Variants in LRP1B observed in about 807,000 individuals in gnomAD.
The protein encoded by LRP1B is LDL receptor related protein 1B.
Under a neutral mutation model 556.6 loss-of-function variants are expected in LRP1B, and 217 were observed. The observed-to-expected ratio is 0.39, with a 90% CI of 0.35 to 0.44. The LOEUF is 0.44. Among genes scored for constraint, LRP1B ranks in the 20% least tolerant of loss-of-function variants. LRP1B has a pLI of 1.00. For missense variants in LRP1B, 5,053 were observed against 5,620.8 expected, an observed-to-expected ratio of 0.90 and a Z score of 3.23; for synonymous variants, 2,047 against 1,865.8, an observed-to-expected ratio of 1.10 and a Z score of -2.50.
At chr2:140,819,343 C>T (rs1691239625) in intron 31 of LRP1B, among the ~76,000 whole-genome samples, 1 of 152,098 alleles carries the variant, frequency 6.6e-6, no homozygotes, top group South Asian at 2.1e-4. Flanking sequence ...TCACAATATT[C>T]TTTCAATTAT....
chr2:141,678,216 AAAAC>A lies in LRP1B; in HGVS notation c.205+132059_205+132062del, dbSNP rs1574231457. Among the ~76,000 whole-genome samples the A allele has an allele frequency of 2.0e-5, 3 of 152,316 alleles. 1 individual carries two copies. The stretch of plus-strand genomic sequence containing the variant: ...GCATCATAATCAATGTTTATCTATG[AAAAC>A]AAACAAAATCAGTAGGAAAAGAATA... On this transcript the variant is annotated intron_variant, in intron 2 of 90. Coordinates refer to ENST00000389484, the MANE Select transcript of LRP1B (RefSeq NM_018557.3).
At chr2:140,756,643 T>A (rs543015890) in intron 35 of LRP1B, among the ~76,000 whole-genome samples, 2 of 152,286 alleles carry the variant, frequency 1.3e-5, no homozygotes, top group South Asian at 4.1e-4. Flanking sequence ...TCCACATGGA[T>A]ATCCATATGT....
Position 140,541,983 on chromosome 2 carries a change from T to C in LRP1B, c.7195-12A>G, listed in dbSNP as rs765752893. The stretch of plus-strand genomic sequence containing the variant: ...GATTTAACTATCACCTGAAATAAAT[T>C]AAAATACTGTATTTTTATGATGAAT... On this transcript the variant is annotated splice_polypyrimidine_tract_variant and intron_variant, in intron 43 of 90. Coordinates refer to ENST00000389484, the MANE Select transcript of LRP1B (RefSeq NM_018557.3). 3.8e-6 allele frequency: 6 copies of C among 1,575,270 alleles called. No individual in the cohort carries two copies. The highest frequency in any genetic ancestry group is 5.2e-6 in the Non-Finnish European group (6 of 1,153,212).
intron 20 of LRP1B, among the ~76,000 whole-genome samples, chr2:140,934,011 T>C (rs1695129407): frequency 6.6e-6 from 1 of 152,068 alleles, no homozygotes; most frequent in Admixed American, 6.6e-5. Flanking sequence ...ATTAACATTG[T>C]TTATATGTCT....
chr2:141,182,535 AG>A (rs1383905338), intron 7 of LRP1B, among the ~76,000 whole-genome samples: 1 of 151,858 alleles, frequency 6.6e-6, no homozygotes, highest in Non-Finnish European at 1.5e-5. Flanking sequence ...TCATTTTATT[AG>A]TTTTTTTTTT....
At chr2:140,318,136 G>T (rs929838759) in intron 82 of LRP1B, among the ~76,000 whole-genome samples, 9 of 151,854 alleles carry the variant, frequency 5.9e-5, no homozygotes, top group Non-Finnish European at 1.2e-4. Context: ...TAATTATAAA[G>T]AAATGAAAAG....
chr2:140,590,922 A>T (rs2105165819), intron 43 of LRP1B, among the ~76,000 whole-genome samples: 1 of 152,324 alleles, frequency 6.6e-6, no homozygotes, highest in East Asian at 1.9e-4. Context: ...CCCATGGAAA[A>T]ATATGTTTTA....
chr2:141,834,110 G>C lies in LRP1B; in HGVS notation c.83-23709C>G, dbSNP rs149523824. On this transcript the variant is annotated intron_variant, in intron 1 of 90. Coordinates refer to ENST00000389484, the MANE Select transcript of LRP1B (RefSeq NM_018557.3). ...GGTAGGGAGTTCAAAACTGAGGATG[G>C]ACACTGATGGTACTGTTATGTTTTG... Among the ~76,000 whole-genome samples the C allele has an allele frequency of 2.0e-3, 310 of 152,002 alleles. 3 individuals carry two copies. The highest frequency in any genetic ancestry group is 7.2e-3 in the African/African-American group (301 of 41,528).
chr2:141,443,636 T>A (rs1681069847), intron 3 of LRP1B, among the ~76,000 whole-genome samples: 1 of 152,208 alleles, frequency 6.6e-6, no homozygotes, highest in Admixed American at 6.5e-5. Flanking sequence ...CAATTTCAGT[T>A]CTCTGCATAT....
In LRP1B at chr2:140,274,469, C is replaced by G. The variant is rs763456145; in HGVS notation, c.13097G>C (p.Gly4366Ala). Residue 4366 changes from glycine to alanine, a missense_variant, in exon 85 of 91, where the codon GGG becomes GCG. By Grantham distance (60) the Gly-to-Ala change is moderately conservative. Coordinates refer to ENST00000389484, the MANE Select transcript of LRP1B (RefSeq NM_018557.3). ...CEVDKCVRCH[G>A]GHCIINKDSE... ...GTCTTTATTTATAATGCAGTGCCCCCCATGGCACCTTACACACTTGTCAAC... is the reference window on the plus strand; with the variant it reads ...GTCTTTATTTATAATGCAGTGCCCCGCATGGCACCTTACACACTTGTCAAC... The G allele has an allele frequency of 6.2e-7, 1 of 1,612,700 alleles. No homozygotes were observed.
chr2:140,333,747 T>C (rs1163168176), intron 79 of LRP1B, among the ~76,000 whole-genome samples: 1 of 151,908 alleles, frequency 6.6e-6, no homozygotes, highest in Non-Finnish European at 1.5e-5. Context: ...AGTCTGAAAA[T>C]GTTTTACTGA....
At chr2:140,570,769 A>G (rs924594978) in intron 43 of LRP1B, among the ~76,000 whole-genome samples, 2 of 151,864 alleles carry the variant, frequency 1.3e-5, no homozygotes, top group Non-Finnish European at 3.0e-5. Flanking sequence ...AAAATTCTCA[A>G]CAAAATACTA....
intron 87 of LRP1B, among the ~76,000 whole-genome samples, chr2:140,242,014 G>A (rs1680970227): frequency 6.6e-6 from 1 of 150,834 alleles, no homozygotes; most frequent in Non-Finnish European, 1.5e-5. Flanking sequence ...ACCTCATCAT[G>A]CAACATTTTT....
In LRP1B at chr2:140,807,883, G is replaced by T. The variant is rs1027951023; in HGVS notation, c.5359+5774C>A. Among the ~76,000 whole-genome samples, 11 of 150,486 alleles carry T rather than the reference G, an allele frequency of 7.3e-5. No homozygotes were observed. In the East Asian group the frequency reaches 2.2e-3, roughly 30 times the overall value. On this transcript the variant is annotated intron_variant, in intron 32 of 90. Coordinates refer to ENST00000389484, the MANE Select transcript of LRP1B (RefSeq NM_018557.3). ...AAGGTGGGTGGATCACCTGTGGTCA[G>T]GAGTTCAAGACCAGCCTAGCCAACA...
chr2:141,878,625 A>G (rs139003307), intron 1 of LRP1B, among the ~76,000 whole-genome samples: 1,918 of 152,122 alleles, frequency 0.013, 40 homozygotes, highest in African/African-American at 0.044. Context: ...TGATAAAGTC[A>G]TATATTAAAA....
At position 141,725,552 on chromosome 2, in the gene LRP1B, C is replaced by T. The variant is rs564854377; in HGVS notation, c.205+84727G>A. Among the ~76,000 whole-genome samples, 63 of 151,872 alleles carry T rather than the reference C, an allele frequency of 4.1e-4. No individual in the cohort carries two copies. The South Asian group carries it at 0.012, about 30-fold the overall frequency. ...ATAAAATATTTTGAATTTTATTAGT[C>T]GTTGTGGGTATTTTGCAATTTGGGA... is the stretch of plus-strand genomic sequence containing the variant. On this transcript the variant is annotated intron_variant, in intron 2 of 90. Coordinates refer to ENST00000389484, the MANE Select transcript of LRP1B (RefSeq NM_018557.3).
At chr2:141,268,560 C>G (rs966665465) in intron 3 of LRP1B, among the ~76,000 whole-genome samples, 48 of 151,928 alleles carry the variant, frequency 3.2e-4, no homozygotes, top group African/African-American at 1.0e-3. Context: ...TGGAGAAAGG[C>G]CAAGAAGGAA....
At chr2:140,893,836 C>A (rs1334893087) in intron 23 of LRP1B, among the ~76,000 whole-genome samples, 1 of 152,094 alleles carries the variant, frequency 6.6e-6, no homozygotes, top group African/African-American at 2.4e-5. Context: ...TGTGAAAGTG[C>A]TTTACACATT....
At chr2:141,514,791 A>T (rs188914241) in intron 2 of LRP1B, among the ~76,000 whole-genome samples, 85 of 152,326 alleles carry the variant, frequency 5.6e-4, no homozygotes, top group African/African-American at 2.0e-3. Flanking sequence ...AATCTATTTT[A>T]TAATAAGGTG....
Sources: gnomAD v4.1 joint callset for allele counts (sites outside exome capture counted in the v4.1 genomes callset) on GRCh38, gnomAD v4.1.1 for gene constraint, MANE v1.5 for transcripts, NCBI Gene and HGNC (gene_info 2026-07-23, HGNC 2026-07-21) for gene names.